The following PITPNM3 variants were observed in gnomAD, a reference collection of about 807,000 sequenced individuals.
PITPNM3 encodes membrane-associated phosphatidylinositol transfer protein 3.
PITPNM3 carries 26 observed loss-of-function variants against 102.0 expected under a neutral mutation model. The observed-to-expected ratio is 0.25, with a 90% CI of 0.19 to 0.35. PITPNM3 has a LOEUF of 0.35. PITPNM3 is among the 10% of genes least tolerant of loss of function. PITPNM3 has a pLI of 1.00. For missense variants in PITPNM3, 1,083 were observed against 1,346.1 expected (o/e 0.80, Z 3.06); for synonymous variants, 578 against 558.6 (o/e 1.03, Z -0.49).
chr17:6,484,168 A>G, intron 5 of PITPNM3, 48 bp downstream of exon 5: 1 of 1,528,510 alleles, frequency 6.5e-7, no homozygotes, highest in South Asian at 1.1e-5. Context: ...TCTTGCTAAA[A>G]TCCTGGCCTC....
intron 4 of PITPNM3, among the ~76,000 whole-genome samples, chr17:6,492,265 A>T (rs1435107341): frequency 2.0e-5 from 3 of 151,744 alleles, no homozygotes; most frequent in African/African-American, 4.8e-5. Context: ...GGGCTTCACC[A>T]TGTTGGCCAG....
intron 4 of PITPNM3, among the ~76,000 whole-genome samples, chr17:6,500,051 C>T (rs1907082916): frequency 6.6e-6 from 1 of 152,140 alleles, no homozygotes; most frequent in African/African-American, 2.4e-5. Flanking sequence ...GTCATCTTTC[C>T]ACAACTGAGT....
Position 6,472,246 on chromosome 17 carries a change from C to T in PITPNM3, c.1429+411G>A, listed in dbSNP as rs550159290. Among the ~76,000 whole-genome samples, 99 of 152,264 alleles carry T rather than the reference C, an allele frequency of 6.5e-4. 1 individual carries two copies. The highest frequency in any genetic ancestry group is 2.1e-3 in the African/African-American group (88 of 41,554). ...TAGCTCTTCTCCACCTGCCCAAATGCACCTCCCCTCTCTGGACCCTAATCA... is the reference window on the plus strand; with the variant it reads ...TAGCTCTTCTCCACCTGCCCAAATGTACCTCCCCTCTCTGGACCCTAATCA... On this transcript the variant is annotated intron_variant, in intron 11 of 19. Transcript: ENST00000262483. The surrounding 1 kb of genome is among the most constrained non-coding windows in gnomAD (Gnocchi z 4.1).
chr17:6,478,908 G>C lies in PITPNM3; in HGVS notation c.588-172C>G, dbSNP rs116172642. ...CACAGAGCACAGGCAGTGTGGGGAG[G>C]AGAGGGGAAGAGGATTCAAGCCTAC... On this transcript the variant is annotated intron_variant, in intron 6 of 19. Transcript: ENST00000262483. This position sits in a 1 kb window ranked among gnomAD's most constrained non-coding sequence, Gnocchi z 4.4. 1,120 of 645,106 alleles carry C rather than the reference G, an allele frequency of 1.7e-3. 10 individuals carry two copies. The highest frequency in any genetic ancestry group is 0.017 in the African/African-American group (941 of 54,866). The allele number at this position is 645,106 out of a possible 1,614,324, so 40.0% of individuals were successfully genotyped here.
chr17:6,471,966 CG>C (rs1905097793), intron 11 of PITPNM3, among the ~76,000 whole-genome samples: 1 of 152,142 alleles, frequency 6.6e-6, no homozygotes, highest in South Asian at 2.1e-4. Context: ...AATCCTGAAT[CG>C]GCCCCATGCA....
At chr17:6,550,208 C>T (rs1408332705) in intron 1 of PITPNM3, among the ~76,000 whole-genome samples, 4 of 152,214 alleles carry the variant, frequency 2.6e-5, no homozygotes, top group Non-Finnish European at 4.4e-5. Flanking sequence ...ATATTGACTC[C>T]AACAGTAGAA....
intron 4 of PITPNM3, among the ~76,000 whole-genome samples, chr17:6,497,073 C>G (rs1324887371): frequency 6.6e-6 from 1 of 152,180 alleles, no homozygotes; most frequent in Non-Finnish European, 1.5e-5. Flanking sequence ...CGTCTGCCAC[C>G]CTGAGCTCAT....
At chr17:6,485,207 G>T (rs1291260314) in intron 4 of PITPNM3, among the ~76,000 whole-genome samples, 2 of 148,640 alleles carry the variant, frequency 1.3e-5, no homozygotes, top group African/African-American at 2.5e-5. Context: ...TGCCCAGGCT[G>T]GAGTGCAATG....
Position 6,455,342 on chromosome 17 carries a change from G to C in PITPNM3, c.2921C>G (p.Pro974Arg). The change falls in exon 20 of 20, where the codon CCC becomes CGC. Residue 974 changes from proline to arginine, a missense_variant. By Grantham distance (103) the Pro-to-Arg change is moderately radical. This residue lies in a region of PITPNM3 where 208 missense variants were observed against 178.2 expected (regional missense o/e 1.17). Transcript: ENST00000262483. ...GCTCTGAGCACAGCCCACCCCTCAG[G>C]GCACCGACTCGAACTTGGGGGGCCC... is the stretch of plus-strand genomic sequence containing the variant. ...ARGPPKFESVP is the reference protein window; with the variant it reads ...ARGPPKFESVR 1 of 1,575,952 alleles carries C rather than the reference G, an allele frequency of 6.3e-7. No individual in the cohort carries two copies. The highest frequency in any genetic ancestry group is 8.6e-7 in the Non-Finnish European group (1 of 1,162,952).
Position 6,533,048 on chromosome 17 carries a change from T to C in PITPNM3, c.118+4939A>G, listed in dbSNP as rs145959957. Among the ~76,000 whole-genome samples, 16 of 152,282 alleles carry C rather than the reference T, an allele frequency of 1.1e-4. No individual in the cohort carries two copies. In the East Asian group the frequency reaches 2.7e-3, roughly 26 times the overall value. On this transcript the variant is annotated intron_variant, in intron 2 of 19. Coordinates refer to ENST00000262483, the MANE Select transcript of PITPNM3 (RefSeq NM_031220.4). ...CGCGATCTCAGCTCATCGCCACCTC[T>C]GCCTCCCAGGTTCAAATTATTCTCC...
rs938246828 is a variant in PITPNM3, at chr17:6,457,247, A to G, written c.2619+347T>C. The stretch of plus-strand genomic sequence containing the variant: ...CATTCCTTCAAATTCCGGAAACCCA[A>G]CCTTGCCCTGGAGTCTGGGTTAGCG... On this transcript the variant is annotated intron_variant, in intron 19 of 19. Transcript: ENST00000262483. The surrounding 1 kb of genome is among the most constrained non-coding windows in gnomAD (Gnocchi z 4.7). Among the ~76,000 whole-genome samples the G allele has an allele frequency of 2.6e-5, 4 of 152,068 alleles. No individual in the cohort carries two copies. The highest frequency in any genetic ancestry group is 7.2e-5 in the African/African-American group (3 of 41,400).
At chr17:6,538,447 TCTCA>T (rs1323227595) in intron 1 of PITPNM3, among the ~76,000 whole-genome samples, 2 of 152,146 alleles carry the variant, frequency 1.3e-5, no homozygotes, top group African/African-American at 4.8e-5. Flanking sequence ...ATGGTTCATT[TCTCA>T]CTCACATACA....
chr17:6,541,179 A>C (rs971975453), intron 1 of PITPNM3, among the ~76,000 whole-genome samples: 2 of 152,134 alleles, frequency 1.3e-5, no homozygotes, highest in African/African-American at 4.8e-5. Flanking sequence ...TCCAACAAGG[A>C]GAAAAGCAAT....
In PITPNM3 at chr17:6,455,659, GAGGGC is replaced by G; in HGVS notation, c.2620-21_2620-17del. On this transcript the variant is annotated splice_polypyrimidine_tract_variant and intron_variant, in intron 19 of 19. Coordinates refer to ENST00000262483, the MANE Select transcript of PITPNM3 (RefSeq NM_031220.4). ...CGCTCAGGAACTGCGGAGGGCAGGG[GAGGGC>G]AGGGGAGGGCAGGGCAGGGCAGCAG... The G allele has an allele frequency of 6.5e-7, 1 of 1,534,570 alleles. No individual in the cohort carries two copies. The highest frequency in any genetic ancestry group is 2.4e-5 in the East Asian group (1 of 42,078).
Position 6,453,460 on chromosome 17 carries a change from G to A in PITPNM3, c.*1878C>T. The A allele has an allele frequency of 6.5e-6, 1 of 152,906 alleles. No homozygotes were observed. The highest frequency in any genetic ancestry group is 1.5e-5 in the Non-Finnish European group (1 of 68,418). 9.5% of individuals were successfully genotyped at this position (152,906 alleles called of 1,614,324 possible). On this transcript the variant is annotated 3_prime_UTR_variant, in exon 20 of 20. Transcript: ENST00000262483. Reference sequence around the variant, plus strand: ...TGAACCGCCAGGAGACAGGACCATAGAGGAGGCTGAGGCTGAGGCTGAGGC... The same window carrying A: ...TGAACCGCCAGGAGACAGGACCATAAAGGAGGCTGAGGCTGAGGCTGAGGC...
chr17:6,542,085 C>A (rs1367638393), intron 1 of PITPNM3, among the ~76,000 whole-genome samples: 1 of 152,184 alleles, frequency 6.6e-6, no homozygotes, highest in African/African-American at 2.4e-5. Context: ...TGCCCGCTCT[C>A]TTGGAAATAG....
intron 1 of PITPNM3, among the ~76,000 whole-genome samples, chr17:6,542,019 C>T (rs1037729034): frequency 3.9e-5 from 6 of 152,202 alleles, no homozygotes; most frequent in African/African-American, 1.2e-4. Context: ...TTCAGGAAGG[C>T]GTTTGCTCTG....
chr17:6,462,882 T>A (rs971867320), intron 17 of PITPNM3, among the ~76,000 whole-genome samples: 1 of 150,024 alleles, frequency 6.7e-6, no homozygotes, highest in Admixed American at 6.6e-5. Flanking sequence ...GGGAGCACCA[T>A]GTGGAGCACC....
rs148402298 is a variant in PITPNM3 at position 6,458,467 on chromosome 17, C to T, written c.2491-745G>A. ...CATCACTGGGATGACCCACGGTCTG[C>T]ATGACGTGAAGGATCTACCACCTCC... On this transcript the variant is annotated intron_variant, in intron 18 of 19. Coordinates refer to ENST00000262483, the MANE Select transcript of PITPNM3 (RefSeq NM_031220.4). The surrounding 1 kb of genome is among the most constrained non-coding windows in gnomAD (Gnocchi z 5.1). 2.0e-5 allele frequency among the ~76,000 whole-genome samples: 3 copies of T among 152,316 alleles called. No homozygotes were observed. Among genetic ancestry groups the T allele is most frequent in the Non-Finnish European group, 4.4e-5 (3 of 68,024 alleles).
Sources: allele counts gnomAD v4.1 joint callset (sites outside exome capture counted in the v4.1 genomes callset), GRCh38; gene constraint gnomAD v4.1.1; regional missense constraint gnomAD v4.1.1; non-coding constraint Gnocchi (gnomAD v3.1); transcripts MANE v1.5; gene names NCBI Gene and HGNC (gene_info 2026-07-23, HGNC 2026-07-21).